The following GRIP1 variants were observed in gnomAD, a reference collection of about 807,000 sequenced individuals.
The protein encoded by GRIP1 is glutamate receptor interacting protein 1.
In GRIP1, 45 loss-of-function variants were observed where a neutral mutation model predicts 129.9. The observed-to-expected ratio is 0.35, with a 90% CI of 0.27 to 0.44. The LOEUF is 0.44. Among genes scored for constraint, GRIP1 ranks in the 20% least tolerant of loss-of-function variants. The pLI, the probability that GRIP1 is intolerant of heterozygous loss-of-function variation, is 1.00. For missense variants in GRIP1, 1,196 were observed against 1,396.8 expected (o/e 0.86, Z 2.29); for synonymous variants, 530 against 520.8 (o/e 1.02, Z -0.24).
At chr12:66,747,191 A>G (rs1053951540) in intron 1 of GRIP1, among the ~76,000 whole-genome samples, 1 of 152,186 alleles carries the variant, frequency 6.6e-6, no homozygotes, top group African/African-American at 2.4e-5. Flanking sequence ...ATAAAACTAG[A>G]TCTCTAGAAA....
At chr12:66,410,477 CAAAA>C (rs34277777) in intron 15 of GRIP1, among the ~76,000 whole-genome samples, 10 of 132,676 alleles carry the variant, frequency 7.5e-5, no homozygotes, top group Admixed American at 1.5e-4. Flanking sequence ...ACTAAAAATA[CAAAA>C]AAAAAAAAAA....
intron 2 of GRIP1, among the ~76,000 whole-genome samples, chr12:66,543,390 T>C (rs1322302775): frequency 6.6e-6 from 1 of 152,208 alleles, no homozygotes; most frequent in African/African-American, 2.4e-5. Context: ...CAGCTTCATC[T>C]ACTACATTTT....
chr12:66,577,345 C>A (rs2063174336), intron 2 of GRIP1, among the ~76,000 whole-genome samples: 1 of 152,120 alleles, frequency 6.6e-6, no homozygotes, highest in African/African-American at 2.4e-5. Flanking sequence ...AGTAAGTTTC[C>A]TGTGTCTAAA....
At chr12:66,693,854 A>G (rs1032443831) in intron 1 of GRIP1, among the ~76,000 whole-genome samples, 2 of 152,224 alleles carry the variant, frequency 1.3e-5, no homozygotes, top group Admixed American at 1.3e-4. Flanking sequence ...GACTATGCTC[A>G]GGAAGAGTAA....
intron 1 of GRIP1, among the ~76,000 whole-genome samples, chr12:66,675,226 G>C (rs560919054): frequency 6.6e-6 from 1 of 152,256 alleles, no homozygotes; most frequent in African/African-American, 2.4e-5. Flanking sequence ...ACAATGAAAG[G>C]TGCCCAGAGC....
At chr12:66,572,650 C>T (rs2063002246) in intron 2 of GRIP1, among the ~76,000 whole-genome samples, 1 of 152,132 alleles carries the variant, frequency 6.6e-6, no homozygotes, top group Non-Finnish European at 1.5e-5. Context: ...TCTCAGGTGA[C>T]CTTCAGGAGC....
chr12:66,531,242 AAAAAAAAAAAATATATATATATATAT>A (rs1196760842), intron 4 of GRIP1, among the ~76,000 whole-genome samples: 8 of 49,982 alleles, frequency 1.6e-4, no homozygotes, highest in African/African-American at 8.9e-4. Context: ...TCTCAAAAAA[AAAAAAAAAAAATATATATATATATAT>A]ATATATATAT....
chr12:66,764,597 T>C (rs1216856623), intron 1 of GRIP1, among the ~76,000 whole-genome samples: 1 of 152,226 alleles, frequency 6.6e-6, no homozygotes, highest in Non-Finnish European at 1.5e-5. Flanking sequence ...CCATCTATGA[T>C]TTGTAAATCA....
intron 1 of GRIP1, among the ~76,000 whole-genome samples, chr12:66,634,529 T>C (rs1286491948): frequency 6.6e-6 from 1 of 152,174 alleles, no homozygotes; most frequent in African/African-American, 2.4e-5. Context: ...AAATTACTCT[T>C]CCTGAGACAC....
intron 23 of GRIP1, among the ~76,000 whole-genome samples, chr12:66,368,456 C>G (rs992520897): frequency 1.3e-5 from 2 of 152,100 alleles, no homozygotes; most frequent in Non-Finnish European, 2.9e-5. Context: ...ATGTTTAGCC[C>G]GGTGTGCTAT....
At chr12:66,882,631 G>A (rs781240328) in intron 1 of GRIP1, among the ~76,000 whole-genome samples, 4 of 152,158 alleles carry the variant, frequency 2.6e-5, no homozygotes, top group African/African-American at 4.8e-5. Context: ...TACAAATAAA[G>A]TATTATCTGC....
At chr12:66,975,845 T>C (rs531670021) in intron 1 of GRIP1, among the ~76,000 whole-genome samples, 107 of 152,298 alleles carry the variant, frequency 7.0e-4, no homozygotes, top group African/African-American at 2.2e-3. Context: ...GAATGATACA[T>C]TCTGAGGCAG....
intron 7 of GRIP1, among the ~76,000 whole-genome samples, chr12:66,492,168 TAA>T (rs796552698): frequency 1.6e-4 from 22 of 139,884 alleles, no homozygotes; most frequent in Non-Finnish European, 1.7e-4. Context: ...ATGTTTCAGT[TAA>T]AAAAAAAAAA....
rs2054068775 is a variant in GRIP1, at chr12:66,348,315, T to A, written c.*704A>T. On this transcript the variant is annotated 3_prime_UTR_variant, in exon 25 of 25. Transcript: ENST00000359742. ...CACACTCTAATTCATTATCAGAGATTTTCAGCTATTAAAAATGTGTCCTTA... is the reference window on the plus strand; with the variant it reads ...CACACTCTAATTCATTATCAGAGATATTCAGCTATTAAAAATGTGTCCTTA... 6.6e-6 allele frequency: 1 copy of A among 151,942 alleles called. No homozygotes were observed. The highest frequency in any genetic ancestry group is 1.5e-5 in the Non-Finnish European group (1 of 68,076). The allele number at this position is 151,942 out of a possible 1,614,324, so 9.4% of individuals were successfully genotyped here.
At chr12:66,877,619 A>G (rs2040405095) in intron 1 of GRIP1, among the ~76,000 whole-genome samples, 1 of 152,104 alleles carries the variant, frequency 6.6e-6, no homozygotes, top group African/African-American at 2.4e-5. Flanking sequence ...CACAGAACAC[A>G]CACTTATATT....
rs904584002 is a variant in GRIP1, at chr12:66,685,272, G to T, written c.-419-54936C>A. Among the ~76,000 whole-genome samples, 3 of 152,006 alleles carry T rather than the reference G, an allele frequency of 2.0e-5. No homozygotes were observed. In the South Asian group the frequency reaches 6.2e-4, roughly 32 times the overall value. On this transcript the variant is annotated intron_variant, in intron 1 of 4. Coordinates refer to the GRIP1 transcript ENST00000538373. Reference sequence around the variant, plus strand: ...ATGAATGTCTGAGTAGTTCTTTGGGGGCAGGGGGAAGTATTACTTTTCAAA... The same window carrying T: ...ATGAATGTCTGAGTAGTTCTTTGGGTGCAGGGGGAAGTATTACTTTTCAAA...
In GRIP1 at chr12:66,999,088, A is replaced by G. The variant is rs1035527572; in HGVS notation, c.58+69962T>C. Among the ~76,000 whole-genome samples the G allele has an allele frequency of 2.2e-4, 33 of 152,130 alleles. 1 individual carries two copies. Among genetic ancestry groups the G allele is most frequent in the Admixed American group, 2.2e-3 (33 of 15,254 alleles). ...TCTACCACATTCAGACATTTTCTTCATAACAATGATAACATCAGGAAAAAA... is the reference window on the plus strand; with the variant it reads ...TCTACCACATTCAGACATTTTCTTCGTAACAATGATAACATCAGGAAAAAA... On this transcript the variant is annotated intron_variant, in intron 1 of 1. Coordinates refer to the GRIP1 transcript ENST00000643019.
At chr12:66,378,890 T>C (rs1219330999) in intron 20 of GRIP1, among the ~76,000 whole-genome samples, 1 of 152,174 alleles carries the variant, frequency 6.6e-6, no homozygotes, top group Non-Finnish European at 1.5e-5. Flanking sequence ...GAGGTTGCAG[T>C]GAGCCGAGAT....
chr12:66,690,025 TCTC>T (rs2034924270), intron 1 of GRIP1, among the ~76,000 whole-genome samples: 1 of 151,980 alleles, frequency 6.6e-6, no homozygotes, highest in Admixed American at 6.6e-5. Context: ...CTCAGACAAT[TCTC>T]CTGCCTCAGC....
Sources: allele counts gnomAD v4.1 joint callset (sites outside exome capture counted in the v4.1 genomes callset), GRCh38; gene constraint gnomAD v4.1.1; transcripts MANE v1.5; gene names NCBI Gene and HGNC (gene_info 2026-07-23, HGNC 2026-07-21).